Variants in CCSER1 observed in about 807,000 individuals in gnomAD.
The protein encoded by CCSER1 is coiled-coil serine rich protein 1.
A neutral mutation model predicts 82.0 loss-of-function variants in CCSER1; 41 were observed. The ratio of observed to expected loss-of-function variants is 0.50; its 90% CI spans 0.39 to 0.65. The LOEUF (loss-of-function observed/expected upper bound fraction) is 0.65, where lower values mean the gene tolerates loss of function less well. Ranked by LOEUF, CCSER1 falls within the 30% of genes least tolerant of loss-of-function variation. The probability of loss-of-function intolerance (pLI) is 0.00; values close to 1 mark genes in which losing one functional copy is unlikely to be tolerated. For missense variants in CCSER1, 1,119 were observed against 1,064.2 expected (o/e 1.05, Z -0.72); for synonymous variants, 414 against 383.9 (o/e 1.08, Z -0.92).
intron 3 of CCSER1, among the ~76,000 whole-genome samples, chr4:90,367,409 C>A (rs1338896098): frequency 6.6e-6 from 1 of 151,686 alleles, no homozygotes; most frequent in African/African-American, 2.4e-5. Flanking sequence ...ATAATAATAA[C>A]ATTTTCCTCC....
In CCSER1 at chr4:90,723,292, A is replaced by G. The variant is rs370347900; in HGVS notation, c.1933-622A>G. The stretch of plus-strand genomic sequence containing the variant: ...ATTGATTTTATTTTTAAAAGACTAG[A>G]TAAACAGCCATTAGCAACATTCCAG... On this transcript the variant is annotated intron_variant, in intron 6 of 10. Coordinates refer to ENST00000509176, the MANE Select transcript of CCSER1 (RefSeq NM_001145065.2). 1.4e-4 allele frequency among the ~76,000 whole-genome samples: 21 copies of G among 152,090 alleles called. No homozygotes were observed. In the East Asian group the frequency reaches 3.5e-3, roughly 25 times the overall value.
intron 10 of CCSER1, among the ~76,000 whole-genome samples, chr4:91,457,173 T>G (rs1252370915): frequency 6.6e-6 from 1 of 152,172 alleles, no homozygotes; most frequent in Admixed American, 6.6e-5. Context: ...AAATATCAAC[T>G]GATATTCATA....
rs115916154 is a variant in CCSER1 at position 90,522,533 on chromosome 4, C to G, written c.1724+54179C>G. ...GCTAAGATATCTCCACATGGCTCCACTGACCATCGCCTCAACTTCAAGCCC... is the reference window on the plus strand; with the variant it reads ...GCTAAGATATCTCCACATGGCTCCAGTGACCATCGCCTCAACTTCAAGCCC... On this transcript the variant is annotated intron_variant, in intron 5 of 10. Transcript: ENST00000509176. Among the ~76,000 whole-genome samples the G allele has an allele frequency of 6.2e-3, 945 of 152,238 alleles. 5 individuals are homozygous for G. Among genetic ancestry groups the G allele is most frequent in the African/African-American group, 0.015 (623 of 41,558 alleles).
At chr4:90,966,705 T>A (rs1241168175) in intron 9 of CCSER1, among the ~76,000 whole-genome samples, 2 of 152,140 alleles carry the variant, frequency 1.3e-5, no homozygotes, top group Non-Finnish European at 2.9e-5. Context: ...TATACATTTA[T>A]TTTTATTTAT....
At chr4:90,558,149 C>T (rs984772470) in intron 5 of CCSER1, among the ~76,000 whole-genome samples, 2 of 152,044 alleles carry the variant, frequency 1.3e-5, no homozygotes, top group African/African-American at 4.8e-5. Context: ...CTGATTATTT[C>T]AGGAAAAAAT....
At chr4:90,621,805 A>G (rs764703971) in intron 5 of CCSER1, among the ~76,000 whole-genome samples, 14 of 152,128 alleles carry the variant, frequency 9.2e-5, no homozygotes, top group Admixed American at 6.6e-5. Context: ...GAGCCTTTTT[A>G]AAGTTTGGAA....
chr4:90,471,725 C>T (rs188224756), intron 5 of CCSER1, among the ~76,000 whole-genome samples: 77 of 151,642 alleles, frequency 5.1e-4, no homozygotes, highest in East Asian at 3.3e-3. Flanking sequence ...CCTGTAATCC[C>T]GCACTTTGGG....
intron 7 of CCSER1, among the ~76,000 whole-genome samples, chr4:90,789,190 G>T (rs1395439159): frequency 6.6e-6 from 1 of 152,074 alleles, no homozygotes; most frequent in African/African-American, 2.4e-5. Flanking sequence ...GAGCAGCTTT[G>T]ATAATGTCAA....
chr4:91,244,524 A>G (rs1303928458), intron 10 of CCSER1, among the ~76,000 whole-genome samples: 2 of 152,284 alleles, frequency 1.3e-5, no homozygotes, highest in African/African-American at 4.8e-5. Flanking sequence ...GAAAAGAACA[A>G]AAGTCTCTGC....
intron 10 of CCSER1, among the ~76,000 whole-genome samples, chr4:91,315,900 C>T (rs1242253467): frequency 6.6e-6 from 1 of 151,874 alleles, no homozygotes; most frequent in Non-Finnish European, 1.5e-5. Context: ...TTGGCTGTGT[C>T]CCCACCCACA....
intron 10 of CCSER1, among the ~76,000 whole-genome samples, chr4:91,386,184 C>T (rs929648580): frequency 1.3e-5 from 2 of 151,080 alleles, no homozygotes; most frequent in African/African-American, 4.9e-5. Context: ...ACTGGGGCAA[C>T]AAGAGTCCAA....
intron 1 of CCSER1, among the ~76,000 whole-genome samples, chr4:90,285,951 A>T (rs1452482921): frequency 1.3e-5 from 2 of 152,118 alleles, no homozygotes; most frequent in Middle Eastern, 3.4e-3. Flanking sequence ...TGAGTTGAGT[A>T]TATTGAAGCA....
chr4:90,859,472 A>C (rs1461944757), intron 8 of CCSER1, among the ~76,000 whole-genome samples: 3 of 151,822 alleles, frequency 2.0e-5, no homozygotes, highest in African/African-American at 4.8e-5. Context: ...CAAAAGATTC[A>C]AGGAATTCTG....
intron 1 of CCSER1, among the ~76,000 whole-genome samples, chr4:90,190,477 T>A (rs1393625468): frequency 6.6e-6 from 1 of 152,104 alleles, no homozygotes; most frequent in African/African-American, 2.4e-5. Context: ...CTTTTTTACT[T>A]ACACTAAAGG....
intron 10 of CCSER1, among the ~76,000 whole-genome samples, chr4:91,359,649 G>A (rs1353640653): frequency 6.6e-6 from 1 of 151,842 alleles, no homozygotes; most frequent in Non-Finnish European, 1.5e-5. Flanking sequence ...GGTTGATAAA[G>A]GGGTTTCAGG....
At chr4:90,536,563 G>C (rs1007911803) in intron 5 of CCSER1, among the ~76,000 whole-genome samples, 1 of 152,172 alleles carries the variant, frequency 6.6e-6, no homozygotes, top group Non-Finnish European at 1.5e-5. Flanking sequence ...TGTGGCCTTC[G>C]ATGTGTATTT....
chr4:91,051,162 GCA>G (rs1376723362), intron 9 of CCSER1, among the ~76,000 whole-genome samples: 2 of 152,104 alleles, frequency 1.3e-5, no homozygotes, highest in South Asian at 2.1e-4. Flanking sequence ...GAAGTACAGA[GCA>G]CAGAGGGTTA....
At chr4:91,415,338 G>A (rs750558690) in intron 10 of CCSER1, among the ~76,000 whole-genome samples, 1 of 151,950 alleles carries the variant, frequency 6.6e-6, no homozygotes, top group Non-Finnish European at 1.5e-5. Flanking sequence ...TTCTAGACAT[G>A]GAATCATGAC....
At chr4:90,662,392 G>A (rs1206956579) in intron 6 of CCSER1, among the ~76,000 whole-genome samples, 1 of 151,550 alleles carries the variant, frequency 6.6e-6, no homozygotes, top group Non-Finnish European at 1.5e-5. Context: ...TATATTATAT[G>A]GAATAATATA....
Sources: gnomAD v4.1 joint callset for allele counts (sites outside exome capture counted in the v4.1 genomes callset) on GRCh38, gnomAD v4.1.1 for gene constraint, MANE v1.5 for transcripts, NCBI Gene and HGNC (gene_info 2026-07-23, HGNC 2026-07-21) for gene names.